Variants in BMPR1B observed in about 807,000 individuals in gnomAD.
BMPR1B encodes the protein bone morphogenetic protein receptor type-1B.
In BMPR1B, 12 loss-of-function variants were observed where a neutral mutation model predicts 59.1. The observed-to-expected ratio is 0.20, with a 90% CI of 0.13 to 0.33. The LOEUF is 0.33. BMPR1B is among the 10% of genes least tolerant of loss of function. BMPR1B has a pLI of 1.00. For missense variants in BMPR1B, 550 were observed against 610.9 expected, an observed-to-expected ratio of 0.90 and a Z score of 1.05; for synonymous variants, 237 against 207.3, an observed-to-expected ratio of 1.14 and a Z score of -1.23.
intron 10 of BMPR1B, among the ~76,000 whole-genome samples, chr4:95,141,140 T>G (rs1378689787): frequency 6.6e-6 from 1 of 152,196 alleles, no homozygotes; most frequent in Non-Finnish European, 1.5e-5. Context: ...GCAGGTTACA[T>G]TTGATCATTT....
intron 3 of BMPR1B, among the ~76,000 whole-genome samples, chr4:95,042,936 G>C (rs1164194232): frequency 6.6e-6 from 1 of 151,810 alleles, no homozygotes; most frequent in East Asian, 1.9e-4. Flanking sequence ...AGCACTTTGG[G>C]AGGCCGAGGC....
chr4:94,828,422 A>G (rs958419728), intron 1 of BMPR1B, among the ~76,000 whole-genome samples: 1 of 152,168 alleles, frequency 6.6e-6, no homozygotes, highest in Non-Finnish European at 1.5e-5. Context: ...AAAGAGTCCA[A>G]TGTAGATTTT....
chr4:94,987,538 G>T (rs1467143465), intron 2 of BMPR1B, among the ~76,000 whole-genome samples: 15 of 151,972 alleles, frequency 9.9e-5, no homozygotes, highest in Admixed American at 9.8e-4. Flanking sequence ...CATTGAGTTG[G>T]TTTTTGCTGA....
chr4:95,058,464 C>G (rs1326789524), intron 3 of BMPR1B, among the ~76,000 whole-genome samples: 1 of 152,096 alleles, frequency 6.6e-6, no homozygotes, highest in African/African-American at 2.4e-5. Flanking sequence ...GAAATAGTGA[C>G]TTACACTACT....
chr4:94,966,792 A>T (rs1730572218), intron 2 of BMPR1B, among the ~76,000 whole-genome samples: 1 of 152,180 alleles, frequency 6.6e-6, no homozygotes. Context: ...AGAGTTAAAA[A>T]CCTAAGTTTG....
At chr4:94,919,314 T>C (rs1019352877) in intron 2 of BMPR1B, among the ~76,000 whole-genome samples, 5 of 152,182 alleles carry the variant, frequency 3.3e-5, no homozygotes, top group Non-Finnish European at 5.9e-5. Flanking sequence ...GGCCTTCTCT[T>C]AGAGCAATTG....
intron 2 of BMPR1B, among the ~76,000 whole-genome samples, chr4:94,877,136 G>A (rs1726761829): frequency 6.6e-6 from 1 of 152,146 alleles, no homozygotes; most frequent in South Asian, 2.1e-4. Flanking sequence ...ATGCCACTGT[G>A]CATAAAAACT....
At chr4:94,973,346 C>T (rs185380957) in intron 2 of BMPR1B, among the ~76,000 whole-genome samples, 201 of 152,134 alleles carry the variant, frequency 1.3e-3, no homozygotes, top group Admixed American at 8.6e-3. Context: ...AATGAAGTCA[C>T]GTGAATGAAT....
Position 94,866,843 on chromosome 4 carries a change from A to G in BMPR1B, c.-182-8988A>G, listed in dbSNP as rs560147742. Among the ~76,000 whole-genome samples the G allele has an allele frequency of 2.0e-5, 3 of 152,150 alleles. No individual in the cohort carries two copies. The South Asian group carries it at 6.3e-4, about 32-fold the overall frequency. On this transcript the variant is annotated intron_variant, in intron 1 of 12. Transcript: ENST00000515059. ...ATGATCCGCCCACTTTGGCCTCCCA[A>G]AGTGCTGGGATTACAGGCGTGAGCC...
intron 2 of BMPR1B, among the ~76,000 whole-genome samples, chr4:94,903,920 G>A (rs796847156): frequency 3.0e-4 from 46 of 152,082 alleles, no homozygotes; most frequent in African/African-American, 9.9e-4. Flanking sequence ...ATAAATTGCT[G>A]TTCTTTAAGC....
chr4:94,905,375 C>G (rs1356509092), intron 2 of BMPR1B, among the ~76,000 whole-genome samples: 5 of 152,072 alleles, frequency 3.3e-5, no homozygotes, highest in African/African-American at 1.2e-4. Context: ...ATTACTAATG[C>G]AAACAGTAAT....
At chr4:94,986,937 A>G (rs1196450974) in intron 2 of BMPR1B, among the ~76,000 whole-genome samples, 1 of 151,142 alleles carries the variant, frequency 6.6e-6, no homozygotes, top group African/African-American at 2.4e-5. Flanking sequence ...GCTACTCGGG[A>G]GGCTGAGGCA....
chr4:94,910,235 C>A (rs2149011141), intron 2 of BMPR1B, among the ~76,000 whole-genome samples: 1 of 152,150 alleles, frequency 6.6e-6, no homozygotes, highest in Non-Finnish European at 1.5e-5. Flanking sequence ...CTGAGGTAAG[C>A]CAACATATTC....
At chr4:94,872,148 G>A (rs926857695) in intron 1 of BMPR1B, among the ~76,000 whole-genome samples, 4 of 152,130 alleles carry the variant, frequency 2.6e-5, no homozygotes, top group South Asian at 4.1e-4. Context: ...TTCTCTTACC[G>A]GCACCCTGGC....
intron 10 of BMPR1B, among the ~76,000 whole-genome samples, chr4:95,135,541 G>C (rs1396596623): frequency 6.6e-6 from 1 of 152,150 alleles, no homozygotes; most frequent in African/African-American, 2.4e-5. Flanking sequence ...ATTTCATTGA[G>C]CAGTGGTTTG....
intron 1 of BMPR1B, among the ~76,000 whole-genome samples, chr4:94,838,487 GGA>G (rs1724912086): frequency 7.8e-6 from 1 of 128,338 alleles, no homozygotes; most frequent in African/African-American, 3.0e-5. Flanking sequence ...TTTAGTCTTG[GGA>G]GAGTGTATGT....
At chr4:94,964,662 T>C (rs2149069906) in intron 2 of BMPR1B, among the ~76,000 whole-genome samples, 1 of 152,258 alleles carries the variant, frequency 6.6e-6, no homozygotes, top group East Asian at 1.9e-4. Context: ...TCCACTAGGA[T>C]TTGTTGAATC....
intron 2 of BMPR1B, among the ~76,000 whole-genome samples, chr4:94,876,528 T>C (rs911703367): frequency 1.6e-4 from 25 of 152,230 alleles, no homozygotes; most frequent in African/African-American, 5.8e-4. Flanking sequence ...CAATTTGTTC[T>C]TCACAAGTCT....
At chr4:94,880,928 G>C (rs1726941427) in intron 2 of BMPR1B, among the ~76,000 whole-genome samples, 2 of 152,238 alleles carry the variant, frequency 1.3e-5, no homozygotes, top group Middle Eastern at 3.4e-3. Context: ...GAGCCACTGG[G>C]TCCAGCCCTA....
Sources: allele counts gnomAD v4.1 joint callset (sites outside exome capture counted in the v4.1 genomes callset), GRCh38; gene constraint gnomAD v4.1.1; transcripts MANE v1.5; gene names NCBI Gene and HGNC (gene_info 2026-07-23, HGNC 2026-07-21).